PALLD: variants seen among roughly 807,000 people sequenced by gnomAD.
The protein encoded by PALLD is palladin.
In PALLD, 61 loss-of-function variants were observed where a neutral mutation model predicts 123.5. The observed-to-expected ratio is 0.49, with a 90% CI of 0.40 to 0.61. The LOEUF (loss-of-function observed/expected upper bound fraction) is 0.61. Ranked by LOEUF, PALLD falls within the 20% of genes least tolerant of loss-of-function variation. PALLD has a pLI of 0.00. For missense variants in PALLD, 1,273 were observed against 1,377.0 expected (o/e 0.92, Z 1.20); for synonymous variants, 465 against 496.4 (o/e 0.94, Z 0.84).
chr4:168,730,669 G>C (rs917529224), intron 10 of PALLD, among the ~76,000 whole-genome samples: 3 of 152,008 alleles, frequency 2.0e-5, no homozygotes, highest in African/African-American at 7.2e-5. Context: ...ATATCTTCAG[G>C]TCTTGGGTTA....
intron 10 of PALLD, among the ~76,000 whole-genome samples, chr4:168,839,717 G>A (rs1745762825): frequency 6.6e-6 from 1 of 152,156 alleles, no homozygotes; most frequent in Non-Finnish European, 1.5e-5. Flanking sequence ...CATTCCAAGT[G>A]GAGATGTCCA....
At chr4:168,819,266 A>G (rs1581631577) in intron 10 of PALLD, among the ~76,000 whole-genome samples, 1 of 152,184 alleles carries the variant, frequency 6.6e-6, no homozygotes, top group East Asian at 1.9e-4. Context: ...TAGCAAGTGT[A>G]ATTCTTTTGT....
At chr4:168,803,129 C>G (rs1017656807) in intron 10 of PALLD, among the ~76,000 whole-genome samples, 2 of 152,174 alleles carry the variant, frequency 1.3e-5, no homozygotes, top group Admixed American at 1.3e-4. Context: ...CTACCTGAGA[C>G]TGGGTAATTT....
intron 10 of PALLD, among the ~76,000 whole-genome samples, chr4:168,871,612 A>G (rs908135327): frequency 4.6e-5 from 7 of 152,230 alleles, no homozygotes; most frequent in Non-Finnish European, 1.0e-4. Flanking sequence ...CATAGTTTTT[A>G]TAAGAATCAA....
intron 10 of PALLD, among the ~76,000 whole-genome samples, chr4:168,730,371 C>A (rs1581180849): frequency 6.6e-6 from 1 of 152,170 alleles, no homozygotes; most frequent in East Asian, 1.9e-4. Flanking sequence ...GTGTCCTTTG[C>A]CTCATATTAA....
chr4:168,604,748 C>T (rs62335531), intron 2 of PALLD, among the ~76,000 whole-genome samples: 12,920 of 152,268 alleles, frequency 0.085, 744 homozygotes, highest in Non-Finnish European at 0.12. Context: ...AACAATGCCA[C>T]TGGTGGTGAC....
At chr4:168,729,682 T>TATA (rs1786961419) in intron 10 of PALLD, among the ~76,000 whole-genome samples, 1 of 152,184 alleles carries the variant, frequency 6.6e-6, no homozygotes, top group Non-Finnish European at 1.5e-5. Flanking sequence ...CCTTGGTTCC[T>TATA]AAGTGCCATA....
chr4:168,867,770 C>A (rs1226311908), intron 10 of PALLD, among the ~76,000 whole-genome samples: 1 of 152,040 alleles, frequency 6.6e-6, no homozygotes, highest in African/African-American at 2.4e-5. Flanking sequence ...TGGTACCAAC[C>A]AGCTGATAAC....
At chr4:168,761,055 G>A (rs1732757633) in intron 10 of PALLD, among the ~76,000 whole-genome samples, 1 of 152,216 alleles carries the variant, frequency 6.6e-6, no homozygotes, top group Non-Finnish European at 1.5e-5. Flanking sequence ...TGAGTTGCAA[G>A]TCAAAGTGTT....
intron 2 of PALLD, among the ~76,000 whole-genome samples, chr4:168,585,996 A>G (rs1479682985): frequency 6.6e-6 from 1 of 152,114 alleles, no homozygotes; most frequent in African/African-American, 2.4e-5. Flanking sequence ...TAGGTCTATT[A>G]AGGTTGCTGT....
At chr4:168,878,019 C>T in intron 10 of PALLD, 1 of 1,495,978 alleles carries the variant, frequency 6.7e-7, no homozygotes, top group Non-Finnish European at 8.9e-7. Flanking sequence ...ACGCCGGCCT[C>T]CAGCCCCAGC....
intron 10 of PALLD, among the ~76,000 whole-genome samples, chr4:168,776,952 A>G (rs1735243385): frequency 6.6e-6 from 1 of 152,152 alleles, no homozygotes; most frequent in Admixed American, 6.5e-5. Flanking sequence ...TGTTATATTT[A>G]GTCTCTGCAC....
At chr4:168,656,053 C>T (rs1778528782) in intron 2 of PALLD, among the ~76,000 whole-genome samples, 1 of 152,140 alleles carries the variant, frequency 6.6e-6, no homozygotes, top group South Asian at 2.1e-4. Context: ...TCCAAATGCA[C>T]AGAAGACTGA....
At chr4:168,801,289 G>A (rs1581538953) in intron 10 of PALLD, among the ~76,000 whole-genome samples, 1 of 152,092 alleles carries the variant, frequency 6.6e-6, no homozygotes, top group East Asian at 1.9e-4. Context: ...TTGTTTGTTT[G>A]TTTGTCTGAG....
intron 7 of PALLD, among the ~76,000 whole-genome samples, chr4:168,691,029 A>T (rs1355802280): frequency 6.6e-6 from 1 of 152,190 alleles, no homozygotes; most frequent in Non-Finnish European, 1.5e-5. Flanking sequence ...GAGCCCATCT[A>T]TGAACTGCAG....
At chr4:168,550,737 G>A (rs1423204739) in intron 2 of PALLD, among the ~76,000 whole-genome samples, 2 of 151,966 alleles carry the variant, frequency 1.3e-5, no homozygotes, top group Non-Finnish European at 2.9e-5. Context: ...ACTTATAGGG[G>A]GTCAGTATTT....
intron 2 of PALLD, among the ~76,000 whole-genome samples, chr4:168,598,085 A>T (rs1396768048): frequency 6.6e-6 from 1 of 152,104 alleles, no homozygotes; most frequent in Non-Finnish European, 1.5e-5. Context: ...TTCAGAGTGA[A>T]TTTTTTTAAC....
At chr4:168,677,353 C>T (rs976880338) in intron 3 of PALLD, among the ~76,000 whole-genome samples, 1 of 152,072 alleles carries the variant, frequency 6.6e-6, no homozygotes, top group Non-Finnish European at 1.5e-5. Flanking sequence ...TGTAAGGTGA[C>T]TTTCAGATTT....
At chr4:168,683,476 T>C (rs1405335297) in intron 5 of PALLD, among the ~76,000 whole-genome samples, 1 of 152,156 alleles carries the variant, frequency 6.6e-6, no homozygotes, top group South Asian at 2.1e-4. Flanking sequence ...CAAGTCTGCA[T>C]ACCAACAAAA....
Sources: gnomAD v4.1 joint callset for allele counts (sites outside exome capture counted in the v4.1 genomes callset) on GRCh38, gnomAD v4.1.1 for gene constraint, MANE v1.5 for transcripts, NCBI Gene and HGNC (gene_info 2026-07-23, HGNC 2026-07-21) for gene names.